Variants in PLCL2 observed in about 807,000 individuals in gnomAD.
PLCL2 encodes phospholipase C like 2, also known as inactive phospholipase C-like protein 2.
PLCL2 carries 4 observed loss-of-function variants against 79.6 expected under a neutral mutation model. The ratio of observed to expected loss-of-function variants is 0.05; its 90% CI spans 0.02 to 0.11. The LOEUF is 0.11. Among genes scored for constraint, PLCL2 ranks in the 10% least tolerant of loss-of-function variants. The pLI, the probability that PLCL2 is intolerant of heterozygous loss-of-function variation, is 1.00. For missense variants in PLCL2, 895 were observed against 1,291.0 expected (o/e 0.69, Z 4.70); for synonymous variants, 484 against 457.7 (o/e 1.06, Z -0.73).
At chr3:16,954,247 A>C (rs559868381) in intron 1 of PLCL2, among the ~76,000 whole-genome samples, 1 of 152,068 alleles carries the variant, frequency 6.6e-6, no homozygotes, top group Non-Finnish European at 1.5e-5. Context: ...TCATTGTTCA[A>C]TTCCCACCAA....
intron 1 of PLCL2, among the ~76,000 whole-genome samples, chr3:16,902,356 G>A (rs757430832): frequency 3.3e-5 from 5 of 152,028 alleles, no homozygotes; most frequent in East Asian, 1.9e-4. Flanking sequence ...GTTCTGATAG[G>A]GGCTGCTATT....
chr3:16,956,239 G>A lies in PLCL2; in HGVS notation c.328-53435G>A, dbSNP rs1470187157. ...ATTTATTGAGAGTTTTTAGCATGAA[G>A]GGCTGTTGAATTTTGTCAAAGGCCT... On this transcript the variant is annotated intron_variant, in intron 1 of 5. Transcript: ENST00000615277. Among the ~76,000 whole-genome samples the A allele has an allele frequency of 5.3e-5, 8 of 152,284 alleles. No individual in the cohort carries two copies. The South Asian group carries it at 1.2e-3, about 24-fold the overall frequency.
At chr3:16,972,797 A>G (rs2063886998) in intron 1 of PLCL2, among the ~76,000 whole-genome samples, 1 of 152,122 alleles carries the variant, frequency 6.6e-6, no homozygotes, top group African/African-American at 2.4e-5. Flanking sequence ...TGAAATTATA[A>G]TAGTAACTCC....
intron 4 of PLCL2, among the ~76,000 whole-genome samples, chr3:17,064,326 CTT>C (rs2064986128): frequency 1.3e-5 from 2 of 152,162 alleles, no homozygotes; most frequent in African/African-American, 4.8e-5. Flanking sequence ...CTCTCTCTCT[CTT>C]GCTTCCCTTA....
chr3:16,922,052 A>G (rs920417445), intron 1 of PLCL2, among the ~76,000 whole-genome samples: 1 of 152,202 alleles, frequency 6.6e-6, no homozygotes, highest in Non-Finnish European at 1.5e-5. Context: ...TTTTTAATCT[A>G]TGTCAGGGTA....
chr3:16,999,313 A>C (rs2064183899), intron 1 of PLCL2, among the ~76,000 whole-genome samples: 1 of 152,182 alleles, frequency 6.6e-6, no homozygotes, highest in East Asian at 1.9e-4. Flanking sequence ...GGTGACGTTC[A>C]TTCTGTTTCT....
At chr3:16,934,923 A>G (rs1697504321) in intron 1 of PLCL2, among the ~76,000 whole-genome samples, 1 of 152,202 alleles carries the variant, frequency 6.6e-6, no homozygotes, top group Admixed American at 6.5e-5. Flanking sequence ...AACCATCCTC[A>G]TTATTTCTTT....
chr3:16,971,921 A>C (rs1038320847), intron 1 of PLCL2, among the ~76,000 whole-genome samples: 1 of 152,206 alleles, frequency 6.6e-6, no homozygotes, highest in African/African-American at 2.4e-5. Context: ...AGAACCAAAG[A>C]CAAAAACCAC....
intron 1 of PLCL2, among the ~76,000 whole-genome samples, chr3:16,930,529 T>C (rs896415010): frequency 2.6e-5 from 4 of 152,340 alleles, no homozygotes; most frequent in African/African-American, 9.6e-5. Context: ...AGAGTTGTAG[T>C]GTACTGTTTT....
At position 17,011,144 on chromosome 3, in the gene PLCL2, A is replaced by G. The variant is rs1305011754; in HGVS notation, c.1798A>G (p.Asn600Asp). 1 of 1,614,062 alleles carries G rather than the reference A, an allele frequency of 6.2e-7. No individual in the cohort carries two copies. The highest frequency in any genetic ancestry group is 8.5e-7 in the Non-Finnish European group (1 of 1,180,032). Residue 600 changes from asparagine to aspartate, a missense_variant, in exon 2 of 6, where the codon AAC becomes GAC. This residue lies in a region of PLCL2 where 242 missense variants were observed against 399.5 expected (regional missense o/e 0.61). Coordinates refer to ENST00000615277, the MANE Select transcript of PLCL2 (RefSeq NM_001144382.2). This position sits in a 1 kb window ranked among gnomAD's most constrained non-coding sequence, Gnocchi z 7.9. ...AATGTCTCAGAGGATGGGAAAAGAG[A>G]ACATGGAGCAACCCAATAATGTGCC... ...AEMSQRMGKE[N>D]MEQPNNVPVK... is the part of the protein sequence containing the mutation.
chr3:16,957,331 G>C (rs145971366), intron 1 of PLCL2, among the ~76,000 whole-genome samples: 18,081 of 152,144 alleles, frequency 0.12, 1,560 homozygotes, highest in Non-Finnish European at 0.17. Context: ...CCATGTAGTT[G>C]AGCGGTTTTG....
At chr3:17,069,255 G>C (rs777312135) in intron 5 of PLCL2, among the ~76,000 whole-genome samples, 9 of 152,170 alleles carry the variant, frequency 5.9e-5, no homozygotes, top group Non-Finnish European at 1.2e-4. Flanking sequence ...CCAGTGCTCA[G>C]AAATGGGATA....
chr3:17,075,941 G>T (rs2065105016), intron 5 of PLCL2, among the ~76,000 whole-genome samples: 1 of 152,108 alleles, frequency 6.6e-6, no homozygotes, highest in Non-Finnish European at 1.5e-5. Context: ...CATTTGTGTT[G>T]TTTCCAATTT....
chr3:16,916,253 A>G (rs1334301552), intron 1 of PLCL2, among the ~76,000 whole-genome samples: 3 of 152,170 alleles, frequency 2.0e-5, no homozygotes, highest in Non-Finnish European at 4.4e-5. Flanking sequence ...CTATCCAAAT[A>G]TGTTGCTTTT....
chr3:17,033,950 T>C (rs1575597125), intron 3 of PLCL2, among the ~76,000 whole-genome samples: 1 of 152,226 alleles, frequency 6.6e-6, no homozygotes. Context: ...GTGGTTTTTA[T>C]TGCACAATTT....
chr3:16,888,220 C>T (rs865882133), intron 1 of PLCL2, among the ~76,000 whole-genome samples: 27 of 152,226 alleles, frequency 1.8e-4, no homozygotes, highest in Non-Finnish European at 2.9e-4. Flanking sequence ...TAGGCTGACC[C>T]GAATCTTATT....
intron 1 of PLCL2, among the ~76,000 whole-genome samples, chr3:16,955,460 G>A (rs1430471243): frequency 3.3e-5 from 5 of 152,234 alleles, no homozygotes; most frequent in Middle Eastern, 3.4e-3. Flanking sequence ...GTCAGGTAGC[G>A]TGATGCCTCC....
At chr3:17,065,814 T>C (rs2065004037) in intron 4 of PLCL2, among the ~76,000 whole-genome samples, 1 of 152,208 alleles carries the variant, frequency 6.6e-6, no homozygotes, top group Non-Finnish European at 1.5e-5. Flanking sequence ...CATGGAGTCA[T>C]ATTTCTTGTT....
Position 16,994,396 on chromosome 3 carries a change from T to C in PLCL2, c.328-15278T>C, listed in dbSNP as rs191718771. The stretch of plus-strand genomic sequence containing the variant: ...AAAAAAAAATGGAGCTTACTATGGG[T>C]ATGACATAAAGTGGATGTATATTGT... On this transcript the variant is annotated intron_variant, in intron 1 of 5. Transcript: ENST00000615277. Among the ~76,000 whole-genome samples the C allele has an allele frequency of 4.2e-3, 635 of 152,270 alleles. 5 individuals are homozygous for C. The highest frequency in any genetic ancestry group is 5.8e-3 in the Non-Finnish European group (393 of 68,016).
Sources: allele counts gnomAD v4.1 joint callset (sites outside exome capture counted in the v4.1 genomes callset), GRCh38; gene constraint gnomAD v4.1.1; regional missense constraint gnomAD v4.1.1; non-coding constraint Gnocchi (gnomAD v3.1); transcripts MANE v1.5; gene names NCBI Gene and HGNC (gene_info 2026-07-23, HGNC 2026-07-21).